Variants in STPG2 observed in about 807,000 individuals in gnomAD.
STPG2 encodes sperm tail PG-rich repeat containing 2.
In STPG2, 56 loss-of-function variants were observed where a neutral mutation model predicts 54.2. That is an observed-to-expected ratio of 1.03 (90% CI 0.83 to 1.29). The LOEUF (loss-of-function observed/expected upper bound fraction) is 1.29, where lower values mean the gene tolerates loss of function less well. STPG2 is among the 50% of genes most tolerant of loss of function. The pLI, the probability that STPG2 is intolerant of heterozygous loss-of-function variation, is 0.00. For missense variants in STPG2, 596 were observed against 544.9 expected (o/e 1.09, Z -0.93); for synonymous variants, 200 against 181.8 (o/e 1.10, Z -0.81).
chr4:97,634,347 AC>A (rs1721422585), intron 10 of STPG2, among the ~76,000 whole-genome samples: 2 of 152,212 alleles, frequency 1.3e-5, no homozygotes, highest in South Asian at 2.1e-4. Context: ...TCTGTACATC[AC>A]CATCATCAAA....
chr4:97,710,230 GC>G (rs1276313747), intron 10 of STPG2, among the ~76,000 whole-genome samples: 1 of 151,922 alleles, frequency 6.6e-6, no homozygotes, highest in East Asian at 1.9e-4. Flanking sequence ...AAGACAAACA[GC>G]TTAGCTAGTA....
chr4:97,892,573 G>T (rs1030460618), intron 8 of STPG2, among the ~76,000 whole-genome samples: 1 of 152,082 alleles, frequency 6.6e-6, no homozygotes, highest in Non-Finnish European at 1.5e-5. Flanking sequence ...CTTCTCCTAG[G>T]TCCCACATGC....
At chr4:97,766,861 T>C (rs1232491066) in intron 9 of STPG2, among the ~76,000 whole-genome samples, 1 of 152,062 alleles carries the variant, frequency 6.6e-6, no homozygotes, top group East Asian at 1.9e-4. Flanking sequence ...TTTTTAGTTA[T>C]TGTAACATAT....
intron 9 of STPG2, among the ~76,000 whole-genome samples, chr4:97,835,841 G>A (rs1356090992): frequency 6.6e-6 from 1 of 152,074 alleles, no homozygotes; most frequent in South Asian, 2.1e-4. Flanking sequence ...GAATTGAGGG[G>A]TTCAAGATTT....
At chr4:97,713,798 C>T (rs1202226271) in intron 9 of STPG2, among the ~76,000 whole-genome samples, 4 of 152,110 alleles carry the variant, frequency 2.6e-5, no homozygotes, top group African/African-American at 9.7e-5. Context: ...GTGAATGGAA[C>T]CTAGCTAGTA....
chr4:97,921,083 G>A (rs1224977121), intron 8 of STPG2, among the ~76,000 whole-genome samples: 2 of 152,178 alleles, frequency 1.3e-5, no homozygotes, highest in African/African-American at 2.4e-5. Flanking sequence ...ATTGAGGTTA[G>A]AAAGTACCGG....
chr4:97,536,366 A>G (rs1258823146), intron 4 of STPG2, among the ~76,000 whole-genome samples: 1 of 152,116 alleles, frequency 6.6e-6, no homozygotes, highest in Non-Finnish European at 1.5e-5. Context: ...TTCTCATTAT[A>G]GTGAGGGAGT....
intron 5 of STPG2, among the ~76,000 whole-genome samples, chr4:98,080,502 A>C (rs1228338751): frequency 2.0e-5 from 3 of 152,196 alleles, no homozygotes; most frequent in Non-Finnish European, 4.4e-5. Flanking sequence ...ACCCATGACT[A>C]AACTTCATTA....
intron 5 of STPG2, among the ~76,000 whole-genome samples, chr4:98,015,355 T>G (rs1488655311): frequency 6.6e-6 from 1 of 151,964 alleles, no homozygotes; most frequent in Non-Finnish European, 1.5e-5. Context: ...TTAAACAAAT[T>G]TACAAGAAAA....
At chr4:97,655,592 T>C (rs1403524685) in intron 10 of STPG2, among the ~76,000 whole-genome samples, 2 of 152,056 alleles carry the variant, frequency 1.3e-5, no homozygotes, top group Non-Finnish European at 2.9e-5. Flanking sequence ...TTTATCGAGA[T>C]CAAAAATGTA....
intron 4 of STPG2, among the ~76,000 whole-genome samples, chr4:97,529,138 T>C (rs1285408345): frequency 6.6e-6 from 1 of 152,190 alleles, no homozygotes; most frequent in African/African-American, 2.4e-5. Context: ...ATAGCTCTTA[T>C]TATTTTGAGA....
At position 97,864,051 on chromosome 4, in the gene STPG2, CCT is replaced by C. The variant is rs1319218098; in HGVS notation, c.1045-23121_1045-23120del. Reference sequence around the variant, plus strand: ...GAAAACTGGCACAAGACAGGGATGCCCTCTCTCACCACTCCTATTCAACATAG... The same window carrying C: ...GAAAACTGGCACAAGACAGGGATGCCCTCTCACCACTCCTATTCAACATAG... On this transcript the variant is annotated intron_variant, in intron 8 of 10. Coordinates refer to ENST00000295268, the MANE Select transcript of STPG2 (RefSeq NM_174952.3). Among the ~76,000 whole-genome samples, 9 of 152,182 alleles carry C rather than the reference CCT, an allele frequency of 5.9e-5. No individual in the cohort carries two copies. In the East Asian group the frequency reaches 1.7e-3, roughly 29 times the overall value.
intron 9 of STPG2, among the ~76,000 whole-genome samples, chr4:97,838,826 G>A (rs1483629544): frequency 6.6e-6 from 1 of 151,414 alleles, no homozygotes; most frequent in African/African-American, 2.4e-5. Flanking sequence ...CATATATCAT[G>A]GTATCAGATA....
intron 10 of STPG2, among the ~76,000 whole-genome samples, chr4:97,584,820 T>C (rs1436647900): frequency 1.3e-5 from 2 of 150,934 alleles, no homozygotes; most frequent in African/African-American, 2.4e-5. Context: ...AGGAAAAAAA[T>C]AGAAACTCTG....
intron 10 of STPG2, among the ~76,000 whole-genome samples, chr4:97,598,927 G>A (rs544997028): frequency 6.6e-6 from 1 of 152,176 alleles, no homozygotes; most frequent in East Asian, 1.9e-4. Flanking sequence ...ATGACAAATG[G>A]GACCTGATTA....
intron 4 of STPG2, among the ~76,000 whole-genome samples, chr4:97,528,800 T>C (rs1325889846): frequency 6.6e-6 from 1 of 152,194 alleles, no homozygotes; most frequent in Non-Finnish European, 1.5e-5. Flanking sequence ...GCTCTCTGTT[T>C]ATCTATTATT....
intron 8 of STPG2, among the ~76,000 whole-genome samples, chr4:97,903,858 G>A (rs529686670): frequency 6.6e-6 from 1 of 152,258 alleles, no homozygotes; most frequent in East Asian, 1.9e-4. Context: ...TGGAAAATCG[G>A]GTCACTCCCA....
At chr4:97,479,050 T>A (rs1004070133) in intron 4 of STPG2, among the ~76,000 whole-genome samples, 7 of 151,872 alleles carry the variant, frequency 4.6e-5, no homozygotes, top group Admixed American at 3.9e-4. Flanking sequence ...AAATATTAGA[T>A]TGATTAAATA....
At chr4:97,634,355 C>G (rs1158591805) in intron 10 of STPG2, among the ~76,000 whole-genome samples, 1 of 152,050 alleles carries the variant, frequency 6.6e-6, no homozygotes, top group East Asian at 1.9e-4. Flanking sequence ...TCACCATCAT[C>G]AAAGACCAAA....
Sources: gnomAD v4.1 joint callset for allele counts (sites outside exome capture counted in the v4.1 genomes callset) on GRCh38, gnomAD v4.1.1 for gene constraint, MANE v1.5 for transcripts, NCBI Gene and HGNC (gene_info 2026-07-23, HGNC 2026-07-21) for gene names.